The following AK4 variants were observed in gnomAD, a reference collection of about 807,000 sequenced individuals.
AK4 encodes adenylate kinase 4.
A neutral mutation model predicts 24.6 loss-of-function variants in AK4; 13 were observed. The ratio of observed to expected loss-of-function variants is 0.53; its 90% CI spans 0.34 to 0.84. The LOEUF (loss-of-function observed/expected upper bound fraction) is 0.84. Ranked by LOEUF, AK4 falls within the 40% of genes least tolerant of loss-of-function variation. The probability of loss-of-function intolerance (pLI) is 0.01; values close to 1 mark genes in which losing one functional copy is unlikely to be tolerated. For missense variants in AK4, 192 were observed against 288.2 expected (o/e 0.67, Z 2.42); for synonymous variants, 88 against 107.0 (o/e 0.82, Z 1.10).
At chr1:65,217,934 A>AT (rs1201208806) in intron 2 of AK4, among the ~76,000 whole-genome samples, 2 of 152,198 alleles carry the variant, frequency 1.3e-5, no homozygotes, top group Non-Finnish European at 2.9e-5. Context: ...GTACAATGTG[A>AT]TGCTTTGATA....
At chr1:65,171,227 C>T (rs1383908511) in intron 1 of AK4, among the ~76,000 whole-genome samples, 3 of 141,110 alleles carry the variant, frequency 2.1e-5, no homozygotes, top group Admixed American at 7.4e-5. Context: ...TCCCAAAGTG[C>T]TGGGATTACA....
At chr1:65,215,789 C>A (rs1443587610) in intron 2 of AK4, among the ~76,000 whole-genome samples, 2 of 152,198 alleles carry the variant, frequency 1.3e-5, no homozygotes, top group Non-Finnish European at 2.9e-5. Context: ...TGGCTTGTTA[C>A]CCTCATTAGA....
intron 1 of AK4, among the ~76,000 whole-genome samples, chr1:65,190,185 A>G (rs1651245281): frequency 6.7e-6 from 1 of 148,446 alleles, no homozygotes. Flanking sequence ...TCTTGACTTT[A>G]TTTTCTACTC....
At chr1:65,185,952 G>C (rs528328753) in intron 1 of AK4, among the ~76,000 whole-genome samples, 109 of 151,928 alleles carry the variant, frequency 7.2e-4, no homozygotes, top group African/African-American at 2.1e-3. Flanking sequence ...CACTTTGCTT[G>C]TATCATACCT....
chr1:65,210,373 G>A (rs1410583398), intron 2 of AK4, among the ~76,000 whole-genome samples: 1 of 152,038 alleles, frequency 6.6e-6, no homozygotes, highest in Non-Finnish European at 1.5e-5. Context: ...CCATCCTCCT[G>A]TTCTCCTTTC....
chr1:65,190,684 C>T (rs1651275150), intron 1 of AK4, 26 bp from the exon 2 acceptor site: 6 of 1,602,074 alleles, frequency 3.7e-6, no homozygotes, highest in South Asian at 1.1e-5. Context: ...TCTTGAATAC[C>T]TCTTTTTTTC....
rs1409699125 is a variant in AK4, at chr1:65,188,406, A to G, written c.146-2304A>G. ...AGACTCCATAGCAAAAAAAATAAAA[A>G]TAAAAGAAAGTGGGGTCAAATGATT... On this transcript the variant is annotated intron_variant, in intron 1 of 4. Transcript: ENST00000327299. Among the ~76,000 whole-genome samples the G allele has an allele frequency of 2.0e-5, 3 of 152,158 alleles. No individual in the cohort carries two copies. The East Asian group carries it at 5.8e-4, about 29-fold the overall frequency.
chr1:65,192,804 C>T (rs545610843), intron 2 of AK4, among the ~76,000 whole-genome samples: 1 of 152,084 alleles, frequency 6.6e-6, no homozygotes, highest in Non-Finnish European at 1.5e-5. Context: ...AGGTGGTCAC[C>T]GATAAGTCCA....
intron 1 of AK4, among the ~76,000 whole-genome samples, chr1:65,152,340 C>G (rs1289730287): frequency 2.4e-5 from 1 of 42,032 alleles, no homozygotes; most frequent in Non-Finnish European, 4.4e-5. Context: ...CTCTCTCTCT[C>G]TCTCTCTCTC....
At chr1:65,217,502 T>C (rs1364098477) in intron 2 of AK4, among the ~76,000 whole-genome samples, 1 of 152,200 alleles carries the variant, frequency 6.6e-6, no homozygotes, top group Non-Finnish European at 1.5e-5. Flanking sequence ...TTAACTAGGA[T>C]ATAAAGACAT....
intron 2 of AK4, among the ~76,000 whole-genome samples, chr1:65,215,158 T>G (rs1287055951): frequency 6.8e-6 from 1 of 147,618 alleles, no homozygotes; most frequent in Non-Finnish European, 1.5e-5. Flanking sequence ...TCTTTTCTTT[T>G]CTTTTCTTTC....
intron 1 of AK4, among the ~76,000 whole-genome samples, chr1:65,152,235 C>G (rs1410987190): frequency 1.3e-5 from 2 of 150,396 alleles, no homozygotes; most frequent in Non-Finnish European, 3.0e-5. Context: ...TGCAGGAAAA[C>G]TGGCACATCT....
At chr1:65,191,511 G>A (rs1029871171) in intron 2 of AK4, among the ~76,000 whole-genome samples, 4 of 151,642 alleles carry the variant, frequency 2.6e-5, no homozygotes, top group Admixed American at 2.0e-4. Context: ...TAGATAGATG[G>A]TCCTCAGATA....
chr1:65,213,858 A>C (rs1652044594), intron 2 of AK4, among the ~76,000 whole-genome samples: 1 of 152,210 alleles, frequency 6.6e-6, no homozygotes, highest in African/African-American at 2.4e-5. Flanking sequence ...AAATGAGGTC[A>C]TTAGGGTGGG....
Position 65,227,312 on chromosome 1 carries a change from G to C in AK4, c.*1135G>C, listed in dbSNP as rs1186093120. 1 of 150,022 alleles carries C rather than the reference G, an allele frequency of 6.7e-6. No homozygotes were observed. Among genetic ancestry groups the C allele is most frequent in the Non-Finnish European group, 1.5e-5 (1 of 67,440 alleles). The allele number at this position is 150,022 out of a possible 1,614,324, so 9.3% of individuals were successfully genotyped here. A position where few individuals can be genotyped will look rare whatever the true frequency, so the allele number is the denominator to read the frequency against. On this transcript the variant is annotated 3_prime_UTR_variant, in exon 5 of 5. Transcript: ENST00000327299. Reference sequence around the variant, plus strand: ...TAAAGGGAATGGAGCCTGTGGGGTTGAGCAGAATGTTGTACTAGCTGTGCC... The same window carrying C: ...TAAAGGGAATGGAGCCTGTGGGGTTCAGCAGAATGTTGTACTAGCTGTGCC...
chr1:65,192,794 A>G lies in AK4; in HGVS notation c.265+1965A>G, dbSNP rs552908015. Among the ~76,000 whole-genome samples the G allele has an allele frequency of 3.7e-4, 56 of 152,224 alleles. 3 individuals are homozygous for G. Among genetic ancestry groups the G allele is most frequent in the South Asian group, 1.7e-3 (8 of 4,830 alleles). ...AAGAAATAGGCAAGAAGAAAGGGGC[A>G]GGTGGTCACCGATAAGTCCAAAATC... On this transcript the variant is annotated intron_variant, in intron 2 of 4. Coordinates refer to ENST00000327299, the MANE Select transcript of AK4 (RefSeq NM_013410.4).
At chr1:65,175,701 G>C (rs1650690514) in intron 1 of AK4, among the ~76,000 whole-genome samples, 5 of 152,160 alleles carry the variant, frequency 3.3e-5, no homozygotes, top group Admixed American at 3.3e-4. Flanking sequence ...ATCCTACTCT[G>C]TAGGGCTGAA....
At chr1:65,150,216 C>T (rs1450487189) in intron 1 of AK4, among the ~76,000 whole-genome samples, 1 of 152,000 alleles carries the variant, frequency 6.6e-6, no homozygotes, top group African/African-American at 2.4e-5. Flanking sequence ...CTTATTTCTG[C>T]ACTTTCTTAG....
intron 3 of AK4, among the ~76,000 whole-genome samples, chr1:65,223,482 C>T (rs1000151248): frequency 6.6e-6 from 1 of 152,050 alleles, no homozygotes; most frequent in African/African-American, 2.4e-5. Flanking sequence ...AGCCACTGCG[C>T]CCCAACCAAC....
Sources: gnomAD v4.1 joint callset for allele counts (sites outside exome capture counted in the v4.1 genomes callset) on GRCh38, gnomAD v4.1.1 for gene constraint, MANE v1.5 for transcripts, NCBI Gene and HGNC (gene_info 2026-07-23, HGNC 2026-07-21) for gene names.